Variants in GRM4 observed in about 807,000 individuals in gnomAD.
GRM4 encodes the protein metabotropic glutamate receptor 4.
A neutral mutation model predicts 81.7 loss-of-function variants in GRM4; 28 were observed. The ratio of observed to expected loss-of-function variants is 0.34; its 90% CI spans 0.25 to 0.47. GRM4 has a LOEUF of 0.47. GRM4 is among the 20% of genes least tolerant of loss of function. GRM4 has a pLI of 1.00. For missense variants in GRM4, 948 were observed against 1,290.0 expected (o/e 0.73, Z 4.06); for synonymous variants, 488 against 528.8 (o/e 0.92, Z 1.06).
At chr6:34,142,216 G>A (rs993752092) in intron 1 of GRM4, among the ~76,000 whole-genome samples, 7 of 152,166 alleles carry the variant, frequency 4.6e-5, no homozygotes, top group African/African-American at 4.8e-5. Flanking sequence ...CTGCAGCCCC[G>A]GTGAGTGGGG....
rs7751882 is a variant in GRM4, at chr6:34,064,077, G to A, written c.737-2049C>T. Among the ~76,000 whole-genome samples the A allele has an allele frequency of 0.33, 50,720 of 152,050 alleles. 9,408 individuals are homozygous for A. Among genetic ancestry groups the A allele is most frequent in the Non-Finnish European group, 0.42 (28,378 of 67,970 alleles). On this transcript the variant is annotated intron_variant, in intron 3 of 10. Coordinates refer to ENST00000538487, the MANE Select transcript of GRM4 (RefSeq NM_000841.4). The surrounding 1 kb of genome is among the most constrained non-coding windows in gnomAD (Gnocchi z 4.4). ...AAGCTTCGTTTTGCTGGTGAAGGAAGGATTAGGTGACCACGGCTCAGTCAG... is the reference window on the plus strand; with the variant it reads ...AAGCTTCGTTTTGCTGGTGAAGGAAAGATTAGGTGACCACGGCTCAGTCAG...
Position 34,092,070 on chromosome 6 carries a change from C to T in GRM4, c.549G>A (p.Ala183=), listed in dbSNP as rs766687981. 3.4e-5 allele frequency: 55 copies of T among 1,610,980 alleles called. No homozygotes were observed. Among genetic ancestry groups the T allele is most frequent in the Middle Eastern group, 1.7e-4 (1 of 6,044 alleles). The part of the protein sequence containing the change: ...KIPQISYAST[A]PDLSDNSRYD... ...AGCGGCTGTTGTCACTCAGGTCTGG[C>T]GCTGTGGAGGCGTAGCTGATCTGGG... is the stretch of plus-strand genomic sequence containing the variant. The change falls in exon 3 of 11, where the codon GCG becomes GCA. Residue 183 remains alanine (A), a synonymous_variant. Transcript: ENST00000538487. The surrounding 1 kb of genome is among the most constrained non-coding windows in gnomAD (Gnocchi z 6.8).
chr6:34,104,733 C>G (rs575590420), intron 2 of GRM4, among the ~76,000 whole-genome samples: 30 of 152,138 alleles, frequency 2.0e-4, no homozygotes, highest in South Asian at 4.1e-4. Context: ...GTTTCCCCAC[C>G]ACATCCCTTG....
chr6:34,086,195 G>A (rs1767880149), intron 3 of GRM4, among the ~76,000 whole-genome samples: 2 of 152,188 alleles, frequency 1.3e-5, no homozygotes, highest in African/African-American at 4.8e-5. Context: ...AGCCAGGGAC[G>A]CCACATGCCG....
rs1357490770 is a variant in GRM4 at position 34,109,606 on chromosome 6, C to T, written c.520-17507G>A. ...AATGCCTGCTGCCCAGTCTCAAAAG[C>T]CGATTTCTGTTCAAACCCACCCATG... On this transcript the variant is annotated intron_variant, in intron 2 of 10. Coordinates refer to ENST00000538487, the MANE Select transcript of GRM4 (RefSeq NM_000841.4). 2.6e-5 allele frequency among the ~76,000 whole-genome samples: 4 copies of T among 152,216 alleles called. No homozygotes were observed. In the South Asian group the frequency reaches 6.2e-4, roughly 24 times the overall value.
At chr6:34,108,957 G>T (rs1769252415) in intron 2 of GRM4, among the ~76,000 whole-genome samples, 1 of 152,152 alleles carries the variant, frequency 6.6e-6, no homozygotes, top group South Asian at 2.1e-4. Flanking sequence ...CTGTGATAGT[G>T]CTTTCCACCG....
intron 6 of GRM4, among the ~76,000 whole-genome samples, chr6:34,044,469 C>T (rs900024890): frequency 1.4e-5 from 2 of 147,700 alleles, no homozygotes; most frequent in African/African-American, 2.5e-5. Flanking sequence ...CACACACAGA[C>T]ATACATACAT....
Position 34,036,079 on chromosome 6 carries a change from G to A in GRM4, c.2031C>T (p.Ile677=). 6.2e-7 allele frequency: 1 copy of A among 1,614,218 alleles called. No individual in the cohort carries two copies. Among genetic ancestry groups the A allele is most frequent in the Non-Finnish European group, 8.5e-7 (1 of 1,180,040 alleles). ...GCTTGCCCTGCTCGAAGATGCGGTA[G>A]ATGCGGTTGGTCTTGGTGAGCAGGG... ...YAALLTKTNR[I]YRIFEQGKRS... The change falls in exon 9 of 11, where the codon ATC becomes ATT. Residue 677 remains isoleucine (I), a synonymous_variant. Transcript: ENST00000538487. The surrounding 1 kb of genome is among the most constrained non-coding windows in gnomAD (Gnocchi z 9.0).
At position 34,080,835 on chromosome 6, in the gene GRM4, C is replaced by T. The variant is rs577201228; in HGVS notation, c.736+11048G>A. Among the ~76,000 whole-genome samples, 1 of 148,788 alleles carries T rather than the reference C, an allele frequency of 6.7e-6. No homozygotes were observed. The highest frequency in any genetic ancestry group is 2.0e-4 in the East Asian group (1 of 5,092). Reference sequence around the variant, plus strand: ...CTCTCTTCTCTCTCTCTCTCTCACACACACACACACATACACACACACATA... The same window carrying T: ...CTCTCTTCTCTCTCTCTCTCTCACATACACACACACATACACACACACATA... On this transcript the variant is annotated intron_variant, in intron 3 of 10. Coordinates refer to ENST00000538487, the MANE Select transcript of GRM4 (RefSeq NM_000841.4). This position sits in a 1 kb window ranked among gnomAD's most constrained non-coding sequence, Gnocchi z 5.4.
intron 1 of GRM4, among the ~76,000 whole-genome samples, chr6:34,151,207 C>T (rs1008572507): frequency 5.3e-5 from 8 of 152,166 alleles, no homozygotes; most frequent in African/African-American, 1.9e-4. Context: ...GCACCTGGCC[C>T]TCCACTGGGC....
chr6:34,095,544 G>A lies in GRM4; in HGVS notation c.520-3445C>T, dbSNP rs577419549. 2.0e-4 allele frequency among the ~76,000 whole-genome samples: 31 copies of A among 152,352 alleles called. No individual in the cohort carries two copies. The South Asian group carries it at 4.8e-3, about 23-fold the overall frequency. On this transcript the variant is annotated intron_variant, in intron 2 of 10. Transcript: ENST00000538487. ...TCTCCTAAGGCTGTGAGGGTCACATGAGGGAATTCAAGCAAAGCACTCAGA... is the reference window on the plus strand; with the variant it reads ...TCTCCTAAGGCTGTGAGGGTCACATAAGGGAATTCAAGCAAAGCACTCAGA...
At position 34,074,574 on chromosome 6, in the gene GRM4, C is replaced by T. The variant is rs897496798; in HGVS notation, c.737-12546G>A. 1.4e-5 allele frequency among the ~76,000 whole-genome samples: 2 copies of T among 141,576 alleles called. No homozygotes were observed. The highest frequency in any genetic ancestry group is 2.9e-5 in the African/African-American group (1 of 34,576). The allele number at this position is 141,576 out of a possible 152,430, so 92.9% of individuals were successfully genotyped here. ...CTGCTGGGCGGCGCAGGCAGTGTGG[C>T]TCAGAGCTGAGCCCTGCCGTCCCCT... On this transcript the variant is annotated intron_variant, in intron 3 of 10. Coordinates refer to ENST00000538487, the MANE Select transcript of GRM4 (RefSeq NM_000841.4). The surrounding 1 kb of genome is among the most constrained non-coding windows in gnomAD (Gnocchi z 4.9).
At position 34,024,306 on chromosome 6, in the gene GRM4, C is replaced by T. The variant is rs116333124; in HGVS notation, c.2690-1436G>A. 1.6e-3 allele frequency: 319 copies of T among 204,212 alleles called. 1 individual carries two copies. The highest frequency in any genetic ancestry group is 6.6e-3 in the African/African-American group (293 of 44,526). 12.7% of individuals were successfully genotyped at this position (204,212 alleles called of 1,614,324 possible). ...AATTAAAATGGGTCTTTCCCCCATG[C>T]GTCTTCTCTTTTCCCTTCCATGAGC... On this transcript the variant is annotated intron_variant, in intron 10 of 10. Coordinates refer to ENST00000538487, the MANE Select transcript of GRM4 (RefSeq NM_000841.4).
At chr6:34,032,056 C>T (rs767289953) in intron 9 of GRM4, among the ~76,000 whole-genome samples, 2 of 151,974 alleles carry the variant, frequency 1.3e-5, no homozygotes, top group Non-Finnish European at 1.5e-5. Context: ...CACACATCTA[C>T]ACACATCCAC....
upstream of GRM4, among the ~76,000 whole-genome samples, chr6:34,150,385 G>C (rs138205441): frequency 7.9e-3 from 1,208 of 152,068 alleles, 6 homozygotes; most frequent in Non-Finnish European, 0.013. Flanking sequence ...CCGCAAGAGT[G>C]GGGGTGCAGG....
chr6:34,099,378 G>A (rs546815966), intron 2 of GRM4, among the ~76,000 whole-genome samples: 18 of 152,302 alleles, frequency 1.2e-4, no homozygotes, highest in East Asian at 1.2e-3. Flanking sequence ...GTGAGTGCAC[G>A]GCAGACAGTA....
chr6:34,084,311 G>C (rs1443362762), intron 3 of GRM4, among the ~76,000 whole-genome samples: 1 of 152,174 alleles, frequency 6.6e-6, no homozygotes, highest in African/African-American at 2.4e-5. Context: ...AGGGCAGGGG[G>C]CACAGAGCTA....
At chr6:34,073,811 C>T (rs896199158) in intron 3 of GRM4, among the ~76,000 whole-genome samples, 2 of 152,156 alleles carry the variant, frequency 1.3e-5, no homozygotes, top group African/African-American at 4.8e-5. Flanking sequence ...CTGCGAGGCC[C>T]TAGCATGCAC....
In GRM4 at chr6:34,036,027, T is replaced by G; in HGVS notation, c.2083A>C (p.Ser695Arg). The change falls in exon 9 of 11, where the codon AGC becomes CGC. Residue 695 changes from serine (S) to arginine (R), a missense_variant. By Grantham distance (110) the Ser-to-Arg change is moderately radical. Transcript: ENST00000538487. This position sits in a 1 kb window ranked among gnomAD's most constrained non-coding sequence, Gnocchi z 9.0. ...GTGATGGCCAGCTGTGAGGCGGGGC[T>G]GATGAAGCGTGGGGCACTGACCGAG... ...KRSVSAPRFISPASQLAITFS... is the reference protein window; with the variant it reads ...KRSVSAPRFIRPASQLAITFS... 6.2e-7 allele frequency: 1 copy of G among 1,614,038 alleles called. No homozygotes were observed. The highest frequency in any genetic ancestry group is 8.5e-7 in the Non-Finnish European group (1 of 1,179,958).
Sources: gnomAD v4.1 joint callset for allele counts (sites outside exome capture counted in the v4.1 genomes callset) on GRCh38, gnomAD v4.1.1 for gene constraint, Gnocchi (gnomAD v3.1) non-coding constraint, MANE v1.5 for transcripts, NCBI Gene and HGNC (gene_info 2026-07-23, HGNC 2026-07-21) for gene names.